The following CCDC60 variants were observed in gnomAD, a reference collection of about 807,000 sequenced individuals.
CCDC60 encodes coiled-coil domain-containing protein 60.
In CCDC60, 54 loss-of-function variants were observed where a neutral mutation model predicts 63.5. The ratio of observed to expected loss-of-function variants is 0.85; its 90% CI spans 0.68 to 1.07. CCDC60 has a LOEUF of 1.07. CCDC60 is among the 50% of genes least tolerant of loss of function. The probability of loss-of-function intolerance (pLI) is 0.00; values close to 1 mark genes in which losing one functional copy is unlikely to be tolerated. For synonymous variants in CCDC60, 206 were observed against 238.8 expected (o/e 0.86, Z 1.27); for missense variants, 651 against 684.3 (o/e 0.95, Z 0.54).
chr12:119,440,802 G>C (rs1279233285), intron 2 of CCDC60, among the ~76,000 whole-genome samples: 1 of 152,164 alleles, frequency 6.6e-6, no homozygotes, highest in Non-Finnish European at 1.5e-5. Context: ...GCCCTTTAGA[G>C]GTGTACCACA....
intron 1 of CCDC60, among the ~76,000 whole-genome samples, chr12:119,344,396 T>C (rs1407104724): frequency 6.6e-6 from 1 of 152,194 alleles, no homozygotes; most frequent in Non-Finnish European, 1.5e-5. Flanking sequence ...GTTGTTCAAG[T>C]AGAAACCCAA....
rs1250330434 is a variant in CCDC60, at chr12:119,466,459, G to A, written c.171-5535G>A. 3.3e-5 allele frequency among the ~76,000 whole-genome samples: 5 copies of A among 152,254 alleles called. No homozygotes were observed. The East Asian group carries it at 9.6e-4, about 29-fold the overall frequency. On this transcript the variant is annotated intron_variant, in intron 2 of 13. Transcript: ENST00000327554. The stretch of plus-strand genomic sequence containing the variant: ...AGTTATTTAGGCAAACACACAAATT[G>A]GAAATTGGGATTAATCCGTGTAATA...
chr12:119,524,433 C>T (rs1433493392), intron 11 of CCDC60: 1 of 984,816 alleles, frequency 1.0e-6, no homozygotes, highest in East Asian at 1.1e-4. Context: ...CCGATGAATG[C>T]ATCTATACAA....
chr12:119,380,525 A>G (rs879128625), intron 1 of CCDC60, among the ~76,000 whole-genome samples: 3 of 152,222 alleles, frequency 2.0e-5, no homozygotes, highest in Admixed American at 2.0e-4. Context: ...CCAACCCCAG[A>G]TTTGGTGCTA....
intron 13 of CCDC60, among the ~76,000 whole-genome samples, chr12:119,533,495 T>C (rs985275389): frequency 2.0e-5 from 3 of 152,250 alleles, no homozygotes; most frequent in African/African-American, 7.2e-5. Flanking sequence ...TCTTTGCCCA[T>C]GCCTATGTCC....
chr12:119,488,695 C>T, intron 4 of CCDC60, 64 bp from the exon 5 acceptor site: 1 of 1,388,078 alleles, frequency 7.2e-7, no homozygotes. Context: ...ATTTCTGTGG[C>T]TATTTTTGCG....
intron 13 of CCDC60, among the ~76,000 whole-genome samples, chr12:119,534,602 TTTA>T (rs555765531): frequency 3.7e-4 from 56 of 152,280 alleles, no homozygotes; most frequent in African/African-American, 1.3e-3. Context: ...CAATACATAG[TTTA>T]TTGAGAGTTT....
intron 1 of CCDC60, among the ~76,000 whole-genome samples, chr12:119,340,985 G>C (rs1297605142): frequency 2.0e-5 from 3 of 152,204 alleles, no homozygotes; most frequent in Non-Finnish European, 4.4e-5. Context: ...GCCAGGAAAA[G>C]AGAAATGAGG....
intron 1 of CCDC60, among the ~76,000 whole-genome samples, chr12:119,366,793 A>T (rs1291134697): frequency 1.3e-5 from 2 of 152,124 alleles, no homozygotes; most frequent in African/African-American, 4.8e-5. Flanking sequence ...GAGCCAGAGG[A>T]TACCTCCTAA....
chr12:119,423,491 A>G (rs570666313), intron 1 of CCDC60, among the ~76,000 whole-genome samples: 1 of 152,308 alleles, frequency 6.6e-6, no homozygotes, highest in East Asian at 1.9e-4. Flanking sequence ...GGTTCAGCCA[A>G]TAGCAGGCAC....
chr12:119,535,891 G>A (rs561845326), intron 13 of CCDC60, among the ~76,000 whole-genome samples: 11 of 152,214 alleles, frequency 7.2e-5, no homozygotes, highest in African/African-American at 2.4e-4. Context: ...TGTCTATTCT[G>A]TTGATTTGGG....
At chr12:119,419,533 G>A (rs1664684979) in intron 1 of CCDC60, among the ~76,000 whole-genome samples, 1 of 152,178 alleles carries the variant, frequency 6.6e-6, no homozygotes, top group Non-Finnish European at 1.5e-5. Context: ...CGTTATATGG[G>A]TATCTCGTTT....
At position 119,481,986 on chromosome 12, in the gene CCDC60, GTA is replaced by G. The variant is rs796895359; in HGVS notation, c.449+2795_449+2796del. On this transcript the variant is annotated intron_variant, in intron 4 of 13. Coordinates refer to ENST00000327554, the MANE Select transcript of CCDC60 (RefSeq NM_178499.5). ...CATCATATATATATAGTATATATAT[GTA>G]TATATATATGTATATATAGTATATA... is the stretch of plus-strand genomic sequence containing the variant. 2.5e-3 allele frequency among the ~76,000 whole-genome samples: 322 copies of G among 127,360 alleles called. 3 individuals carry two copies. Among genetic ancestry groups the G allele is most frequent in the South Asian group, 0.019 (78 of 4,074 alleles). The allele number at this position is 127,360 out of a possible 152,430, so 83.6% of individuals were successfully genotyped here. A position where few individuals can be genotyped will look rare whatever the true frequency, so the allele number is the denominator to read the frequency against.
At chr12:119,374,752 G>A (rs1955933945) in intron 1 of CCDC60, among the ~76,000 whole-genome samples, 3 of 152,180 alleles carry the variant, frequency 2.0e-5, no homozygotes, top group Admixed American at 1.3e-4. Flanking sequence ...CAAGGGGTGG[G>A]TTTTTCATGA....
intron 5 of CCDC60, 81 bp downstream of exon 5, chr12:119,488,947 C>A (rs1593162981): frequency 8.5e-7 from 1 of 1,171,208 alleles, no homozygotes; most frequent in Non-Finnish European, 1.3e-6. Flanking sequence ...TTCTTCCACT[C>A]CCTTTGCTGT....
chr12:119,352,381 G>A (rs1401764326), intron 1 of CCDC60, among the ~76,000 whole-genome samples: 1 of 152,202 alleles, frequency 6.6e-6, no homozygotes, highest in Non-Finnish European at 1.5e-5. Context: ...TTCACTGTGT[G>A]CCAGGTGATT....
intron 7 of CCDC60, among the ~76,000 whole-genome samples, chr12:119,513,544 T>G (rs145378938): frequency 1.3e-4 from 20 of 152,302 alleles, no homozygotes; most frequent in African/African-American, 4.3e-4. Context: ...TATCTCTCTT[T>G]CCTACTTATA....
At chr12:119,475,837 C>T (rs1328802140) in intron 3 of CCDC60, among the ~76,000 whole-genome samples, 1 of 152,132 alleles carries the variant, frequency 6.6e-6, no homozygotes, top group Non-Finnish European at 1.5e-5. Flanking sequence ...GTAATTGTTC[C>T]TATTATGACG....
rs182148530 is a variant in CCDC60, at chr12:119,447,298, C to T, written c.170+18536C>T. Among the ~76,000 whole-genome samples the T allele has an allele frequency of 1.4e-3, 208 of 152,238 alleles. 1 individual carries two copies. Among genetic ancestry groups the T allele is most frequent in the Non-Finnish European group, 4.3e-4 (29 of 68,012 alleles). ...ACAACACCTCCTTGCAACTGCATTGCGCCTCAGACCCCTCCCACTTCCCCT... is the reference window on the plus strand; with the variant it reads ...ACAACACCTCCTTGCAACTGCATTGTGCCTCAGACCCCTCCCACTTCCCCT... On this transcript the variant is annotated intron_variant, in intron 2 of 13. Transcript: ENST00000327554.
Sources: allele counts gnomAD v4.1 joint callset (sites outside exome capture counted in the v4.1 genomes callset), GRCh38; gene constraint gnomAD v4.1.1; transcripts MANE v1.5; gene names NCBI Gene and HGNC (gene_info 2026-07-23, HGNC 2026-07-21).